The following XYLT1 variants were observed in gnomAD, a reference collection of about 807,000 sequenced individuals.
XYLT1 encodes xylosyltransferase 1.
XYLT1 carries 36 observed loss-of-function variants against 91.3 expected under a neutral mutation model. The observed-to-expected ratio is 0.39, with a 90% CI of 0.30 to 0.52. The LOEUF (loss-of-function observed/expected upper bound fraction) is 0.52. Ranked by LOEUF, XYLT1 falls within the 20% of genes least tolerant of loss-of-function variation. The pLI, the probability that XYLT1 is intolerant of heterozygous loss-of-function variation, is 0.68. For synonymous variants in XYLT1, 588 were observed against 532.0 expected (o/e 1.11, Z -1.45); for missense variants, 1,242 against 1,284.5 (o/e 0.97, Z 0.51).
At chr16:17,276,835 T>C (rs2033984521) in intron 2 of XYLT1, among the ~76,000 whole-genome samples, 1 of 152,234 alleles carries the variant, frequency 6.6e-6, no homozygotes, top group African/African-American at 2.4e-5. Context: ...TTACCCTCTC[T>C]GAGCCTTGCT....
At chr16:17,450,286 T>C (rs529539784) in intron 1 of XYLT1, among the ~76,000 whole-genome samples, 1 of 151,812 alleles carries the variant, frequency 6.6e-6, no homozygotes, top group East Asian at 1.9e-4. Context: ...TGCAGTGAGC[T>C]GAGATTGCGC....
At chr16:17,111,762 A>C (rs897758623) in intron 11 of XYLT1, among the ~76,000 whole-genome samples, 3 of 152,222 alleles carry the variant, frequency 2.0e-5, no homozygotes, top group African/African-American at 7.2e-5. Context: ...TTGGATGGGC[A>C]CAAGTGGGAG....
chr16:17,153,989 T>C (rs985494658), intron 6 of XYLT1, among the ~76,000 whole-genome samples: 3 of 152,186 alleles, frequency 2.0e-5, no homozygotes, highest in Non-Finnish European at 4.4e-5. Context: ...AGCTCTGTCG[T>C]TCACTAGCTG....
At chr16:17,192,837 G>T (rs1226198955) in intron 5 of XYLT1, 7 of 120,982 alleles carry the variant, frequency 5.8e-5, no homozygotes, top group Non-Finnish European at 9.6e-5. Context: ...TTTTTAGACA[G>T]CGTCTCAGTC....
At chr16:17,112,238 C>G (rs948583298) in intron 11 of XYLT1, among the ~76,000 whole-genome samples, 1 of 152,146 alleles carries the variant, frequency 6.6e-6, no homozygotes, top group African/African-American at 2.4e-5. Flanking sequence ...GGATTTCTTG[C>G]GATTACCAGG....
chr16:17,403,113 G>C (rs978748483), intron 1 of XYLT1, among the ~76,000 whole-genome samples: 1 of 152,192 alleles, frequency 6.6e-6, no homozygotes, highest in Non-Finnish European at 1.5e-5. Flanking sequence ...ACAAGTAACT[G>C]ATGGTAATAA....
At position 17,198,305 on chromosome 16, in the gene XYLT1, G is replaced by A. The variant is rs1163160353; in HGVS notation, c.1196C>T (p.Ser399Phe). The A allele has an allele frequency of 5.6e-6, 9 of 1,614,206 alleles. No homozygotes were observed. Among genetic ancestry groups the A allele is most frequent in the Non-Finnish European group, 7.6e-6 (9 of 1,180,032 alleles). The change falls in exon 5 of 12, where the codon TCC becomes TTC. Residue 399 changes from serine (S) to phenylalanine (F), a missense_variant. Transcript: ENST00000261381. ...ATIWGGASLL[S>F]TYLQSMRDLL... ...GTCCCGCATGCTCTGCAGGTAGGTGGACAGGAGGCTGGCTCCTCCCCAGAT... is the reference window on the plus strand; with the variant it reads ...GTCCCGCATGCTCTGCAGGTAGGTGAACAGGAGGCTGGCTCCTCCCCAGAT...
chr16:17,113,245 G>C (rs11866144), intron 11 of XYLT1, among the ~76,000 whole-genome samples: 1 of 150,846 alleles, frequency 6.6e-6, no homozygotes, highest in East Asian at 2.0e-4. Flanking sequence ...AGGTTCAAGC[G>C]ATTCTCATGC....
intron 1 of XYLT1, among the ~76,000 whole-genome samples, chr16:17,410,057 C>T (rs149643787): frequency 6.6e-6 from 1 of 152,284 alleles, no homozygotes; most frequent in African/African-American, 2.4e-5. Context: ...GACCCTGTCC[C>T]TGCTGCTAAT....
At chr16:17,327,208 CG>C (rs1452182898) in intron 2 of XYLT1, among the ~76,000 whole-genome samples, 1 of 152,072 alleles carries the variant, frequency 6.6e-6, no homozygotes, top group Non-Finnish European at 1.5e-5. Flanking sequence ...TCCAACTAAA[CG>C]TTTTAAATTA....
chr16:17,432,967 C>A (rs764325745), intron 1 of XYLT1, among the ~76,000 whole-genome samples: 1 of 152,194 alleles, frequency 6.6e-6, no homozygotes. Context: ...CGGGCAGAGA[C>A]GGGCAGTGCC....
intron 2 of XYLT1, among the ~76,000 whole-genome samples, chr16:17,316,328 C>T (rs1053301756): frequency 2.6e-5 from 4 of 152,158 alleles, no homozygotes; most frequent in African/African-American, 9.7e-5. Context: ...AACCACCATG[C>T]CTCCCCCTCC....
chr16:17,281,625 C>G (rs1203745129), intron 2 of XYLT1, among the ~76,000 whole-genome samples: 1 of 152,204 alleles, frequency 6.6e-6, no homozygotes, highest in Non-Finnish European at 1.5e-5. Context: ...AGTCCTTTGT[C>G]TGTTGCACAG....
chr16:17,137,873 C>A (rs541454653), intron 8 of XYLT1, among the ~76,000 whole-genome samples: 9 of 152,308 alleles, frequency 5.9e-5, no homozygotes, highest in African/African-American at 2.2e-4. Context: ...TGCTAAGCAT[C>A]CTACCCATGC....
At chr16:17,260,134 G>A (rs1284982889) in intron 2 of XYLT1, among the ~76,000 whole-genome samples, 3 of 151,706 alleles carry the variant, frequency 2.0e-5, no homozygotes, top group Non-Finnish European at 2.9e-5. Flanking sequence ...GCTTGAGTTT[G>A]GCTCTTCATG....
chr16:17,462,882 G>C (rs2036841328), intron 1 of XYLT1, among the ~76,000 whole-genome samples: 2 of 152,062 alleles, frequency 1.3e-5, no homozygotes, highest in South Asian at 4.1e-4. Flanking sequence ...GCACAAAGAG[G>C]GTTTAGAACA....
chr16:17,435,443 A>T (rs1312644958), intron 1 of XYLT1, among the ~76,000 whole-genome samples: 2 of 152,160 alleles, frequency 1.3e-5, no homozygotes, highest in Non-Finnish European at 2.9e-5. Context: ...TTCTTCTACG[A>T]CACAAGCAAG....
At chr16:17,411,624 T>C (rs1002237612) in intron 1 of XYLT1, among the ~76,000 whole-genome samples, 1 of 152,224 alleles carries the variant, frequency 6.6e-6, no homozygotes, top group Non-Finnish European at 1.5e-5. Flanking sequence ...CACCCCTTGG[T>C]TGCCTCTGAG....
At chr16:17,298,225 C>T (rs1288395707) in intron 2 of XYLT1, among the ~76,000 whole-genome samples, 1 of 151,998 alleles carries the variant, frequency 6.6e-6, no homozygotes, top group African/African-American at 2.4e-5. Context: ...CATGAGGAGA[C>T]GGATGGTGTC....
Sources: gnomAD v4.1 joint callset for allele counts (sites outside exome capture counted in the v4.1 genomes callset) on GRCh38, gnomAD v4.1.1 for gene constraint, MANE v1.5 for transcripts, NCBI Gene and HGNC (gene_info 2026-07-23, HGNC 2026-07-21) for gene names.